The following DGKA variants were observed in gnomAD, a reference collection of about 807,000 sequenced individuals.
DGKA encodes diacylglycerol kinase alpha.
In DGKA, 35 loss-of-function variants were observed where a neutral mutation model predicts 105.0. The ratio of observed to expected loss-of-function variants is 0.33; its 90% confidence interval spans 0.25 to 0.44. The LOEUF (loss-of-function observed/expected upper bound fraction) is 0.44, where lower values mean the gene tolerates loss of function less well. Ranked by LOEUF, DGKA falls within the 20% of genes least tolerant of loss-of-function variation. The pLI is 1.00. For synonymous variants in DGKA, 296 were observed against 332.0 expected (o/e 0.89, Z 1.18); for missense variants, 665 against 915.0 (o/e 0.73, Z 3.53).
At chr12:55,928,754 G>A (rs1883249324), upstream of DGKA, among the ~76,000 whole-genome samples, 1 of 147,448 alleles carries the variant, frequency 6.8e-6, no homozygotes, top group Non-Finnish European at 1.5e-5. Context: ...AGACAAATTA[G>A]GCCTCAGAAG....
chr12:55,938,916 A>C lies in DGKA; in HGVS notation c.401A>C (p.Glu134Ala). The C allele has an allele frequency of 6.2e-7, 1 of 1,614,220 alleles. No individual in the cohort carries two copies. Among genetic ancestry groups the C allele is most frequent in the Non-Finnish European group, 8.5e-7 (1 of 1,180,030 alleles). Residue 134 changes from glutamate to alanine, a missense_variant and splice_region_variant, in exon 7 of 24, where the codon GAA (glutamate) becomes GCA (alanine). Glu to Ala is a moderately radical substitution (Grantham distance 107). Transcript: ENST00000331886. ...TDRNGILDSS[E>A]VDKIILQMMR... ...TGGCTCTTGCCCTTTTTGCTCCAGG[A>C]AGTGGACAAAATTATCCTACAGATG... is the stretch of plus-strand genomic sequence containing the variant.
Position 55,932,241 on chromosome 12 carries a change from T to G in DGKA, c.-82+897T>G. On this transcript the variant is annotated intron_variant, in intron 1 of 23. Coordinates refer to ENST00000331886, the MANE Select transcript of DGKA (RefSeq NM_001345.5). This position sits in a 1 kb window ranked among gnomAD's most constrained non-coding sequence, Gnocchi z 4.3. ...CTGCTGGGTCGGGAAGGAGGAAGCG[T>G]GACAGCTGGAGCGGGTATCGAGAAG... 2 of 390,302 alleles carry G rather than the reference T, an allele frequency of 5.1e-6. No individual in the cohort carries two copies. The highest frequency in any genetic ancestry group is 4.8e-6 in the Non-Finnish European group (1 of 208,036). The allele number at this position is 390,302 out of a possible 1,614,324, so 24.2% of individuals were successfully genotyped here. A position where few individuals can be genotyped will look rare whatever the true frequency, so the allele number is the denominator to read the frequency against.
intron 17 of DGKA, among the ~76,000 whole-genome samples, chr12:55,945,274 G>A (rs1472827392): frequency 6.6e-6 from 1 of 152,150 alleles, no homozygotes; most frequent in Non-Finnish European, 1.5e-5. Flanking sequence ...TCTGCTCCTA[G>A]GTGGTAATTG....
rs1255919180 is a variant in DGKA, at chr12:55,931,260, G to A, written c.-166G>A. 1 of 152,098 alleles carries A rather than the reference G, an allele frequency of 6.6e-6. No individual in the cohort carries two copies. The highest frequency in any genetic ancestry group is 1.5e-5 in the Non-Finnish European group (1 of 68,062). 9.4% of individuals were successfully genotyped at this position (152,098 alleles called of 1,614,324 possible). A position where few individuals can be genotyped will look rare whatever the true frequency, so the allele number is the denominator to read the frequency against. On this transcript the variant is annotated 5_prime_UTR_variant, in exon 1 of 24. Coordinates refer to ENST00000331886, the MANE Select transcript of DGKA (RefSeq NM_001345.5). ...CCCAAGAGCCTTAATGACTCTAGAA[G>A]AGACTCCAGGCAGGGGAAGCTGAAA...
Position 55,932,854 on chromosome 12 carries a change from T to C in DGKA, c.-82+1510T>C, listed in dbSNP as rs1883927706. On this transcript the variant is annotated intron_variant, in intron 1 of 23. Transcript: ENST00000331886. This position sits in a 1 kb window ranked among gnomAD's most constrained non-coding sequence, Gnocchi z 4.3. ...GAGGGCTACCTACTAGCAGCAACGG[T>C]CAGGGAGAGGAGGAGGATACAGTCT... 1 of 481,090 alleles carries C rather than the reference T, an allele frequency of 2.1e-6. No homozygotes were observed. The highest frequency in any genetic ancestry group is 3.5e-5 in the Admixed American group (1 of 28,786). 29.8% of individuals were successfully genotyped at this position (481,090 alleles called of 1,614,324 possible). A position where few individuals can be genotyped will look rare whatever the true frequency, so the allele number is the denominator to read the frequency against.
chr12:55,953,784 C>A lies in DGKA; in HGVS notation c.*16C>A. On this transcript the variant is annotated 3_prime_UTR_variant, in exon 24 of 24. Coordinates refer to ENST00000331886, the MANE Select transcript of DGKA (RefSeq NM_001345.5). ...CTTGAGCTAAGGGGGACACCCTTGG[C>A]CTCCAAGCCAGCCTTGAACCCACCT... 1 of 1,613,022 alleles carries A rather than the reference C, an allele frequency of 6.2e-7. No individual in the cohort carries two copies. The highest frequency in any genetic ancestry group is 1.1e-5 in the South Asian group (1 of 91,050).
Position 55,932,260 on chromosome 12 carries a change from C to A in DGKA, c.-82+916C>A, listed in dbSNP as rs1435351476. On this transcript the variant is annotated intron_variant, in intron 1 of 23. Transcript: ENST00000331886. This position sits in a 1 kb window ranked among gnomAD's most constrained non-coding sequence, Gnocchi z 4.3. ...GAAGCGTGACAGCTGGAGCGGGTAT[C>A]GAGAAGGGTCTGCGCTGGGACGCGG... The A allele has an allele frequency of 2.2e-6, 1 of 448,986 alleles. No homozygotes were observed. The highest frequency in any genetic ancestry group is 4.1e-5 in the East Asian group (1 of 24,246). 27.8% of individuals were successfully genotyped at this position (448,986 alleles called of 1,614,324 possible).
At chr12:55,927,669 C>A, upstream of DGKA, 1 of 1,533,970 alleles carries the variant, frequency 6.5e-7, no homozygotes, top group Non-Finnish European at 8.8e-7. Context: ...ACCCACTCAA[C>A]CACCAGAGAC....
chr12:55,932,338 T>C lies in DGKA; in HGVS notation c.-82+994T>C. On this transcript the variant is annotated intron_variant, in intron 1 of 23. Coordinates refer to ENST00000331886, the MANE Select transcript of DGKA (RefSeq NM_001345.5). The surrounding 1 kb of genome is among the most constrained non-coding windows in gnomAD (Gnocchi z 4.3). ...CCCGGTGGGTAACGTTTCCCAGACC[T>C]TCCCCTCCATCCCTCCCGCTCATTC... 1.7e-6 allele frequency: 1 copy of C among 574,440 alleles called. No individual in the cohort carries two copies. 35.6% of individuals were successfully genotyped at this position (574,440 alleles called of 1,614,324 possible). A position where few individuals can be genotyped will look rare whatever the true frequency, so the allele number is the denominator to read the frequency against.
chr12:55,947,693 C>T (rs1336065792), intron 17 of DGKA, among the ~76,000 whole-genome samples: 1 of 152,204 alleles, frequency 6.6e-6, no homozygotes, highest in Non-Finnish European at 1.5e-5. Flanking sequence ...GCAGTGAACA[C>T]TCATACATCT....
At position 55,952,936 on chromosome 12, in the gene DGKA, A is replaced by C; in HGVS notation, c.1942+4A>C. On this transcript the variant is annotated splice_donor_region_variant and intron_variant, in intron 21 of 23. Coordinates refer to ENST00000331886, the MANE Select transcript of DGKA (RefSeq NM_001345.5). This position sits in a 1 kb window ranked among gnomAD's most constrained non-coding sequence, Gnocchi z 5.1. ...ATCCTGAAAACCTGTGTACCAGGTGAGAGGAGCAGCCTTGGGAGCTGAGTG... is the reference window on the plus strand; with the variant it reads ...ATCCTGAAAACCTGTGTACCAGGTGCGAGGAGCAGCCTTGGGAGCTGAGTG... 6.2e-7 allele frequency: 1 copy of C among 1,614,160 alleles called. No homozygotes were observed. Among genetic ancestry groups the C allele is most frequent in the Non-Finnish European group, 8.5e-7 (1 of 1,180,012 alleles).
intron 1 of DGKA, among the ~76,000 whole-genome samples, chr12:55,933,343 C>A (rs770651953): frequency 2.6e-5 from 4 of 152,100 alleles, no homozygotes; most frequent in African/African-American, 9.7e-5. Context: ...TGGGTAGGGG[C>A]GGGCAGGGAA....
Position 55,932,268 on chromosome 12 carries a change from G to A in DGKA, c.-82+924G>A. 4.0e-6 allele frequency: 2 copies of A among 497,990 alleles called. No individual in the cohort carries two copies. Among genetic ancestry groups the A allele is most frequent in the Non-Finnish European group, 7.3e-6 (2 of 272,886 alleles). 30.8% of individuals were successfully genotyped at this position (497,990 alleles called of 1,614,324 possible). ...ACAGCTGGAGCGGGTATCGAGAAGG[G>A]TCTGCGCTGGGACGCGGGGGTGCAG... On this transcript the variant is annotated intron_variant, in intron 1 of 23. Coordinates refer to ENST00000331886, the MANE Select transcript of DGKA (RefSeq NM_001345.5). The surrounding 1 kb of genome is among the most constrained non-coding windows in gnomAD (Gnocchi z 4.3).
intron 2 of DGKA, 98 bp from the exon 3 acceptor site, chr12:55,936,919 T>A: frequency 1.8e-6 from 2 of 1,099,514 alleles, no homozygotes; most frequent in Non-Finnish European, 2.8e-6. Flanking sequence ...TCTTGGAATT[T>A]CTTCATCTCA....
chr12:55,944,264 C>T (rs1886573813), intron 17 of DGKA, among the ~76,000 whole-genome samples: 2 of 152,162 alleles, frequency 1.3e-5, no homozygotes, highest in African/African-American at 2.4e-5. Context: ...TGGGCCACTG[C>T]ACTCAATCCT....
chr12:55,933,654 G>A (rs1884090878), intron 1 of DGKA: 1 of 152,186 alleles, frequency 6.6e-6, no homozygotes, highest in African/African-American at 2.4e-5. Flanking sequence ...TGAACCCTGA[G>A]AGTCTAGCTC....
rs772703889 is a variant in DGKA at position 55,952,858 on chromosome 12, A to G, written c.1868A>G (p.Tyr623Cys). Residue 623 changes from tyrosine (Y) to cysteine (C), a missense_variant, in exon 21 of 24, where the codon TAT (tyrosine) becomes TGT (cysteine). Coordinates refer to ENST00000331886, the MANE Select transcript of DGKA (RefSeq NM_001345.5). The surrounding 1 kb of genome is among the most constrained non-coding windows in gnomAD (Gnocchi z 5.1). ...GDTRRPHGDI[Y>C]GINQALGATA... is the part of the protein sequence containing the mutation. ...ACCAGGAGACCCCATGGGGATATCT[A>G]TGGGATCAACCAGGCCTTAGGTGCT... 6.2e-6 allele frequency: 10 copies of G among 1,614,140 alleles called. No homozygotes were observed. In the South Asian group the frequency reaches 6.6e-5, roughly 11 times the overall value.
Position 55,938,025 on chromosome 12 carries a change from G to T in DGKA, c.322G>T (p.Gly108Cys). Residue 108 changes from glycine to cysteine, a missense_variant, in exon 5 of 24, where the codon GGT becomes TGT. Physicochemically the swap from Gly to Cys is radical, Grantham distance 159. Around this residue, in one of 3 missense-constraint regions of DGKA, gnomAD observed 504 missense variants for 681.2 expected, o/e 0.74. Transcript: ENST00000331886. ...DVSCYFSLLE[G>C]GRPEDKLEFT... Reference sequence around the variant, plus strand: ...TTCCTGCTACTTTTCCCTTCTGGAGGGTGGTCGGCCAGAAGACAAGTTAGA... The same window carrying T: ...TTCCTGCTACTTTTCCCTTCTGGAGTGTGGTCGGCCAGAAGACAAGTTAGA... The T allele has an allele frequency of 6.2e-7, 1 of 1,614,122 alleles. No individual in the cohort carries two copies.
intron 2 of DGKA, chr12:55,936,779 C>T: frequency 1.1e-6 from 1 of 877,950 alleles, no homozygotes; most frequent in East Asian, 2.5e-5. Context: ...CTGCATTGTG[C>T]AAGGTCTCGG....
Sources: gnomAD v4.1 joint callset for allele counts (sites outside exome capture counted in the v4.1 genomes callset) on GRCh38, gnomAD v4.1.1 for gene constraint, gnomAD v4.1.1 regional missense constraint, Gnocchi (gnomAD v3.1) non-coding constraint, MANE v1.5 for transcripts, NCBI Gene and HGNC (gene_info 2026-07-23, HGNC 2026-07-21) for gene names.